RFTN2: variants seen among roughly 807,000 people sequenced by gnomAD.
RFTN2 encodes raftlin family member 2.
A neutral mutation model predicts 52.7 loss-of-function variants in RFTN2; 34 were observed. The observed-to-expected ratio is 0.64, with a 90% CI of 0.49 to 0.86. The LOEUF is 0.86. Ranked by LOEUF, RFTN2 falls within the 40% of genes least tolerant of loss-of-function variation. The probability of loss-of-function intolerance (pLI) is 0.00; values close to 1 mark genes in which losing one functional copy is unlikely to be tolerated. For missense variants in RFTN2, 536 were observed against 600.1 expected (o/e 0.89, Z 1.12); for synonymous variants, 203 against 217.7 (o/e 0.93, Z 0.59).
In RFTN2 at chr2:197,599,721, T is replaced by C. The variant is rs545815870; in HGVS notation, c.1155-3652A>G. ...ACACAGTATGCAGAGAGGTGAAACA[T>C]GTGGCACAGGGGAGGGCGAACCCTC... On this transcript the variant is annotated intron_variant, in intron 7 of 8. Transcript: ENST00000295049. 3.9e-3 allele frequency among the ~76,000 whole-genome samples: 595 copies of C among 152,246 alleles called. 1 individual carries two copies. The highest frequency in any genetic ancestry group is 7.4e-3 in the Non-Finnish European group (506 of 68,014).
At chr2:197,573,078 AC>A (rs1344450538) in intron 8 of RFTN2, among the ~76,000 whole-genome samples, 1 of 151,398 alleles carries the variant, frequency 6.6e-6, no homozygotes, top group Non-Finnish European at 1.5e-5. Flanking sequence ...ACAGACTAAT[AC>A]AGTAAATTGG....
chr2:197,625,836 C>T (rs2088351014), intron 5 of RFTN2, among the ~76,000 whole-genome samples: 1 of 151,302 alleles, frequency 6.6e-6, no homozygotes, highest in Non-Finnish European at 1.5e-5. Context: ...CTGCACTGCC[C>T]AGTGCAGTGC....
intron 5 of RFTN2, among the ~76,000 whole-genome samples, chr2:197,623,136 G>C (rs997929632): frequency 6.6e-6 from 1 of 152,198 alleles, no homozygotes; most frequent in African/African-American, 2.4e-5. Flanking sequence ...AGCTGCCATA[G>C]ATAGTGATTC....
chr2:197,648,035 CAT>C (rs1244531460), intron 1 of RFTN2, among the ~76,000 whole-genome samples: 1 of 152,206 alleles, frequency 6.6e-6, no homozygotes, highest in Admixed American at 6.5e-5. Flanking sequence ...AGTAACAAGA[CAT>C]ATGAAATTAA....
chr2:197,599,748 AC>A (rs776327413), intron 7 of RFTN2, among the ~76,000 whole-genome samples: 66 of 152,340 alleles, frequency 4.3e-4, no homozygotes, highest in South Asian at 8.3e-4. Flanking sequence ...CGAACCCTCC[AC>A]AGCTACTTCA....
Position 197,595,592 on chromosome 2 carries a change from G to A in RFTN2, c.1233+399C>T, listed in dbSNP as rs540300814. Among the ~76,000 whole-genome samples the A allele has an allele frequency of 6.7e-4, 102 of 152,346 alleles. 1 individual carries two copies. Among genetic ancestry groups the A allele is most frequent in the African/African-American group, 2.3e-3 (97 of 41,590 alleles). ...CGAATGGAAGATCAAGCTTATTTTA[G>A]TAAGGTTTGTTTTTGCAGACTCTTC... On this transcript the variant is annotated intron_variant, in intron 8 of 8. Coordinates refer to ENST00000295049, the MANE Select transcript of RFTN2 (RefSeq NM_144629.3).
chr2:197,674,131 G>T (rs2089182749), intron 1 of RFTN2, among the ~76,000 whole-genome samples: 2 of 151,928 alleles, frequency 1.3e-5, no homozygotes, highest in South Asian at 4.1e-4. Flanking sequence ...TAATTTAAAA[G>T]AAAATTAAGA....
intron 3 of RFTN2, among the ~76,000 whole-genome samples, chr2:197,639,011 C>G (rs1229033845): frequency 2.1e-5 from 3 of 143,292 alleles, no homozygotes; most frequent in African/African-American, 7.8e-5. Flanking sequence ...CTTAGTTTGG[C>G]TGGATATGAA....
intron 3 of RFTN2, among the ~76,000 whole-genome samples, chr2:197,636,266 T>C (rs914971396): frequency 7.6e-5 from 11 of 144,012 alleles, no homozygotes; most frequent in Non-Finnish European, 1.5e-4. Flanking sequence ...TTTTTTCCAA[T>C]TCTGTGAAGA....
At chr2:197,601,526 T>C (rs1436450600) in intron 7 of RFTN2, among the ~76,000 whole-genome samples, 1 of 152,022 alleles carries the variant, frequency 6.6e-6, no homozygotes, top group Non-Finnish European at 1.5e-5. Context: ...TTGGGTCTCC[T>C]CTAGTTCCCA....
At chr2:197,637,270 G>T (rs1386362468) in intron 3 of RFTN2, among the ~76,000 whole-genome samples, 4 of 152,156 alleles carry the variant, frequency 2.6e-5, no homozygotes, top group African/African-American at 9.6e-5. Flanking sequence ...GAGTTAGGGA[G>T]GATTCCCTCT....
intron 7 of RFTN2, among the ~76,000 whole-genome samples, chr2:197,604,503 A>C (rs146427724): frequency 2.6e-5 from 4 of 152,370 alleles, no homozygotes; most frequent in Admixed American, 6.5e-5. Context: ...GTTAAAAAAC[A>C]GGCAAAACTA....
rs1169659241 is a variant in RFTN2 at position 197,675,111 on chromosome 2, A to G, written c.139+209T>C. On this transcript the variant is annotated intron_variant, in intron 1 of 8. Coordinates refer to ENST00000295049, the MANE Select transcript of RFTN2 (RefSeq NM_144629.3). ...ATTTCCAAGCAATTTCCCTAATTTT[A>G]GAAGGTACATATGAGCCATGTTACC... 1.1e-4 allele frequency among the ~76,000 whole-genome samples: 16 copies of G among 152,346 alleles called. 1 individual carries two copies. In the South Asian group the frequency reaches 3.3e-3, roughly 32 times the overall value.
intron 1 of RFTN2, among the ~76,000 whole-genome samples, chr2:197,658,226 G>C (rs1254707815): frequency 6.7e-6 from 1 of 149,440 alleles, no homozygotes. Context: ...TTAAGGACTT[G>C]GATTTGACTT....
chr2:197,673,666 G>T (rs2089176664), intron 1 of RFTN2, among the ~76,000 whole-genome samples: 1 of 152,190 alleles, frequency 6.6e-6, no homozygotes, highest in Admixed American at 6.6e-5. Context: ...CTTTCACAGA[G>T]AGAAGGGCTT....
intron 1 of RFTN2, among the ~76,000 whole-genome samples, chr2:197,671,419 G>C (rs920651691): frequency 8.5e-5 from 13 of 152,196 alleles, no homozygotes; most frequent in African/African-American, 3.1e-4. Flanking sequence ...TCCTCCACAT[G>C]TACCTTGTAT....
At position 197,570,316 on chromosome 2, in the gene RFTN2, T is replaced by C. The variant is rs190798899; in HGVS notation, c.*1692A>G. On this transcript the variant is annotated 3_prime_UTR_variant, in exon 9 of 9. Transcript: ENST00000295049. ...CTTAAATTCCTTTATACTGTACTTC[T>C]GGATGATAAAAGTGGAATAATTCCT... 6.6e-5 allele frequency: 10 copies of C among 152,392 alleles called. No individual in the cohort carries two copies. Among genetic ancestry groups the C allele is most frequent in the Non-Finnish European group, 1.3e-4 (9 of 68,044 alleles). The allele number at this position is 152,392 out of a possible 1,614,324, so 9.4% of individuals were successfully genotyped here. A position where few individuals can be genotyped will look rare whatever the true frequency, so the allele number is the denominator to read the frequency against.
At chr2:197,583,822 T>C (rs2087549860) in intron 8 of RFTN2, among the ~76,000 whole-genome samples, 1 of 151,958 alleles carries the variant, frequency 6.6e-6, no homozygotes, top group Admixed American at 6.6e-5. Flanking sequence ...GTTCCCCTTC[T>C]TGAGTCCAAG....
At chr2:197,662,416 T>G (rs1193441653) in intron 1 of RFTN2, among the ~76,000 whole-genome samples, 1 of 152,194 alleles carries the variant, frequency 6.6e-6, no homozygotes, top group East Asian at 1.9e-4. Flanking sequence ...TTTTTGAAAA[T>G]CAGTTGACAG....
Sources: allele counts gnomAD v4.1 joint callset (sites outside exome capture counted in the v4.1 genomes callset), GRCh38; gene constraint gnomAD v4.1.1; transcripts MANE v1.5; gene names NCBI Gene and HGNC (gene_info 2026-07-23, HGNC 2026-07-21).